The following LRRC7 variants were observed in gnomAD, a reference collection of about 807,000 sequenced individuals.
LRRC7 encodes the protein leucine-rich repeat-containing protein 7.
LRRC7 carries 23 observed loss-of-function variants against 175.7 expected under a neutral mutation model. That is an observed-to-expected ratio of 0.13 (90% confidence interval 0.09 to 0.19). LRRC7 has a LOEUF of 0.19. Among genes scored for constraint, LRRC7 ranks in the 10% least tolerant of loss-of-function variants. LRRC7 has a pLI of 1.00. For missense variants in LRRC7, 1,354 were observed against 1,904.7 expected (o/e 0.71, Z 5.38); for synonymous variants, 685 against 680.9 (o/e 1.01, Z -0.09).
intron 1 of LRRC7, among the ~76,000 whole-genome samples, chr1:69,568,851 C>T (rs1457902086): frequency 6.6e-6 from 1 of 152,160 alleles, no homozygotes; most frequent in Non-Finnish European, 1.5e-5. Context: ...AAATGGGGTG[C>T]TAACTGGGCG....
intron 2 of LRRC7, among the ~76,000 whole-genome samples, chr1:69,731,556 CTGTTCCT>C (rs1667583828): frequency 6.6e-6 from 1 of 152,202 alleles, no homozygotes; most frequent in South Asian, 2.1e-4. Context: ...AGGAAATAAA[CTGTTCCT>C]AACTTAGCCC....
rs1646816771 is a variant in LRRC7 at position 69,919,505 on chromosome 1, G to A, written c.648-12002G>A. ...AGCAGTGGCGGCAAAATCTGGCAGG[G>A]GGAGCCCGCCAGGGTCCGCCGCTCG... On this transcript the variant is annotated intron_variant, in intron 7 of 26. Coordinates refer to ENST00000651989, the MANE Select transcript of LRRC7 (RefSeq NM_001370785.2). The A allele has an allele frequency of 6.9e-6, 6 of 863,320 alleles. No individual in the cohort carries two copies. In the Admixed American group the frequency reaches 1.0e-4, roughly 15 times the overall value. The allele number at this position is 863,320 out of a possible 1,614,324, so 53.5% of individuals were successfully genotyped here.
chr1:69,919,596 A>G (rs915783398), intron 7 of LRRC7: 4 of 814,002 alleles, frequency 4.9e-6, no homozygotes, highest in African/African-American at 3.3e-5. Flanking sequence ...CGGACCAAGG[A>G]GGAGGCCCTG....
At chr1:69,849,692 A>G (rs796073851) in intron 7 of LRRC7, among the ~76,000 whole-genome samples, 6 of 152,086 alleles carry the variant, frequency 3.9e-5, no homozygotes, top group African/African-American at 1.4e-4. Flanking sequence ...ACCCCAAAAC[A>G]TGGCATTCCA....
intron 8 of LRRC7, among the ~76,000 whole-genome samples, chr1:69,955,953 C>A (rs1032516094): frequency 6.6e-6 from 1 of 151,788 alleles, no homozygotes; most frequent in African/African-American, 2.4e-5. Context: ...AATTAATATA[C>A]CCTGACAAAC....
intron 7 of LRRC7, among the ~76,000 whole-genome samples, chr1:69,909,853 T>C (rs1646464826): frequency 6.6e-6 from 1 of 152,182 alleles, no homozygotes; most frequent in Non-Finnish European, 1.5e-5. Flanking sequence ...CTGGATAATA[T>C]CCTGCAGAGT....
chr1:69,918,195 A>G (rs1646776825), intron 7 of LRRC7, among the ~76,000 whole-genome samples: 1 of 152,208 alleles, frequency 6.6e-6, no homozygotes, highest in Non-Finnish European at 1.5e-5. Context: ...TAAACATCCT[A>G]CAATGCACAC....
chr1:69,928,688 C>T (rs1006252000), intron 7 of LRRC7, among the ~76,000 whole-genome samples: 6 of 152,166 alleles, frequency 3.9e-5, no homozygotes, highest in African/African-American at 1.2e-4. Context: ...GGGAGTGACC[C>T]GATTTTCCAG....
At chr1:69,799,570 C>T (rs192110515) in intron 4 of LRRC7, among the ~76,000 whole-genome samples, 1 of 152,064 alleles carries the variant, frequency 6.6e-6, no homozygotes, top group Non-Finnish European at 1.5e-5. Flanking sequence ...GACTAATATT[C>T]CATTGTATTT....
At chr1:69,936,722 C>G (rs1202148993) in intron 8 of LRRC7, among the ~76,000 whole-genome samples, 1 of 152,026 alleles carries the variant, frequency 6.6e-6, no homozygotes, top group Non-Finnish European at 1.5e-5. Context: ...CTCCTCCTAC[C>G]CTCCACCTTC....
intron 11 of LRRC7, among the ~76,000 whole-genome samples, chr1:69,998,169 C>T (rs1339992434): frequency 1.3e-5 from 2 of 152,246 alleles, no homozygotes; most frequent in Middle Eastern, 3.4e-3. Flanking sequence ...CAAAAAACTG[C>T]ACATATTTAA....
At chr1:69,824,923 G>A (rs1302976788) in intron 4 of LRRC7, among the ~76,000 whole-genome samples, 2 of 152,018 alleles carry the variant, frequency 1.3e-5, no homozygotes, top group Admixed American at 6.6e-5. Context: ...ACTTTTGCAG[G>A]GCCTACTACA....
intron 8 of LRRC7, among the ~76,000 whole-genome samples, chr1:69,947,767 C>CTA (rs1649492504): frequency 6.6e-6 from 1 of 151,946 alleles, no homozygotes; most frequent in Non-Finnish European, 1.5e-5. Flanking sequence ...AGTACCAAAC[C>CTA]TATATATACT....
At chr1:69,884,976 A>C (rs1007272635) in intron 7 of LRRC7, among the ~76,000 whole-genome samples, 162 of 150,100 alleles carry the variant, frequency 1.1e-3, no homozygotes, top group Non-Finnish European at 1.4e-3. Context: ...CCACTTGATC[A>C]TGGTGGGTAA....
chr1:69,656,408 G>T (rs1048602999), intron 1 of LRRC7, among the ~76,000 whole-genome samples: 33 of 151,964 alleles, frequency 2.2e-4, no homozygotes, highest in Non-Finnish European at 3.7e-4. Context: ...GGCCTGATTA[G>T]TGATCCTGCA....
chr1:69,695,589 T>G (rs772590742), intron 2 of LRRC7, among the ~76,000 whole-genome samples: 1 of 152,164 alleles, frequency 6.6e-6, no homozygotes, highest in African/African-American at 2.4e-5. Flanking sequence ...AAAAAAGGCC[T>G]GAAAGGCCAT....
At chr1:70,084,782 G>A (rs61784291) in intron 24 of LRRC7, among the ~76,000 whole-genome samples, 31 of 151,944 alleles carry the variant, frequency 2.0e-4, no homozygotes, top group Non-Finnish European at 3.7e-4. Context: ...AATGAATGTG[G>A]GTTCCACTTT....
chr1:69,631,264 T>C (rs1240073466), intron 1 of LRRC7, among the ~76,000 whole-genome samples: 1 of 152,166 alleles, frequency 6.6e-6, no homozygotes, highest in African/African-American at 2.4e-5. Context: ...ATGACCAAAG[T>C]AAGCACATTT....
At chr1:69,806,793 T>C (rs894766998) in intron 4 of LRRC7, among the ~76,000 whole-genome samples, 1 of 152,000 alleles carries the variant, frequency 6.6e-6, no homozygotes, top group Non-Finnish European at 1.5e-5. Flanking sequence ...TGTTTGCCTA[T>C]ACACCAAAAT....
Sources: allele counts gnomAD v4.1 joint callset (sites outside exome capture counted in the v4.1 genomes callset), GRCh38; gene constraint gnomAD v4.1.1; transcripts MANE v1.5; gene names NCBI Gene and HGNC (gene_info 2026-07-23, HGNC 2026-07-21).